The following CNTN5 variants were observed in gnomAD, a reference collection of about 807,000 sequenced individuals.
The protein encoded by CNTN5 is contactin 5, also known as contactin-5.
Under a neutral mutation model 129.1 loss-of-function variants are expected in CNTN5, and 77 were observed. The observed-to-expected ratio is 0.60, with a 90% confidence interval of 0.50 to 0.72. The LOEUF is 0.72. Among genes scored for constraint, CNTN5 ranks in the 30% least tolerant of loss-of-function variants. The pLI is 0.00. For synonymous variants in CNTN5, 509 were observed against 465.6 expected, an observed-to-expected ratio of 1.09 and a Z score of -1.20; for missense variants, 1,478 against 1,328.8, an observed-to-expected ratio of 1.11 and a Z score of -1.75.
At chr11:99,564,427 T>G (rs544751631) in intron 3 of CNTN5, among the ~76,000 whole-genome samples, 4 of 152,202 alleles carry the variant, frequency 2.6e-5, no homozygotes, top group Admixed American at 2.6e-4. Context: ...AGACTAAATA[T>G]TTCTCTGTAT....
At chr11:100,150,978 G>C (rs1410850631) in intron 13 of CNTN5, among the ~76,000 whole-genome samples, 1 of 151,976 alleles carries the variant, frequency 6.6e-6, no homozygotes, top group East Asian at 1.9e-4. Flanking sequence ...TCTGCTTGAG[G>C]ACACGGTAAA....
At chr11:100,327,005 T>C (rs765017682) in intron 21 of CNTN5, among the ~76,000 whole-genome samples, 3 of 152,216 alleles carry the variant, frequency 2.0e-5, no homozygotes, top group Non-Finnish European at 4.4e-5. Context: ...GGTAGAGCCT[T>C]GAAGCCATGG....
intron 2 of CNTN5, among the ~76,000 whole-genome samples, chr11:99,431,523 C>T (rs1209069286): frequency 6.6e-6 from 1 of 151,960 alleles, no homozygotes; most frequent in African/African-American, 2.4e-5. Context: ...TCAGGAATTC[C>T]TTGGAGGGGG....
intron 1 of CNTN5, among the ~76,000 whole-genome samples, chr11:99,272,872 C>T (rs1825698351): frequency 6.6e-6 from 1 of 151,724 alleles, no homozygotes; most frequent in Admixed American, 6.6e-5. Flanking sequence ...ATACCAGTCC[C>T]TATATTGACT....
intron 24 of CNTN5, among the ~76,000 whole-genome samples, chr11:100,352,098 C>A (rs575723085): frequency 6.6e-6 from 1 of 151,656 alleles, no homozygotes; most frequent in South Asian, 2.1e-4. Flanking sequence ...TTTTGTTGTT[C>A]AGATTATTTC....
At chr11:99,330,496 A>C (rs2136024368) in intron 2 of CNTN5, among the ~76,000 whole-genome samples, 1 of 152,300 alleles carries the variant, frequency 6.6e-6, no homozygotes, top group South Asian at 2.1e-4. Context: ...ATTTTGGGTT[A>C]GTACACAGCA....
At chr11:99,108,962 A>AT (rs758165262) in intron 1 of CNTN5, among the ~76,000 whole-genome samples, 7 of 151,956 alleles carry the variant, frequency 4.6e-5, no homozygotes, top group Non-Finnish European at 8.8e-5. Context: ...TGGAATATTT[A>AT]TTAAGCATAT....
chr11:100,046,702 A>C (rs1316703845), intron 9 of CNTN5, among the ~76,000 whole-genome samples: 1 of 152,118 alleles, frequency 6.6e-6, no homozygotes, highest in African/African-American at 2.4e-5. Context: ...TTTTTCCCCT[A>C]TTAAAACAAT....
chr11:99,989,804 T>C (rs188878337), intron 8 of CNTN5, among the ~76,000 whole-genome samples: 45 of 152,324 alleles, frequency 3.0e-4, no homozygotes, highest in African/African-American at 1.1e-3. Context: ...CTCATTCCAC[T>C]GCCAAGGCTG....
At chr11:100,179,124 A>G (rs1948060856) in intron 13 of CNTN5, among the ~76,000 whole-genome samples, 1 of 152,082 alleles carries the variant, frequency 6.6e-6, no homozygotes, top group Admixed American at 6.6e-5. Context: ...ATTATTGTCA[A>G]CTGTAGTTAT....
intron 7 of CNTN5, among the ~76,000 whole-genome samples, chr11:99,919,993 T>TGC (rs1262906846): frequency 7.9e-5 from 12 of 152,128 alleles, no homozygotes; most frequent in African/African-American, 2.9e-4. Context: ...ATCTGCAATC[T>TGC]ATGTATGTGC....
rs137939088 is a variant in CNTN5, at chr11:100,055,028, TAAAA to T, written c.981-6164_981-6161del. Among the ~76,000 whole-genome samples the T allele has an allele frequency of 1.3e-3, 119 of 91,644 alleles. 1 individual carries two copies. The highest frequency in any genetic ancestry group is 5.2e-3 in the South Asian group (14 of 2,688). 60.1% of individuals were successfully genotyped at this position (91,644 alleles called of 152,430 possible). A position where few individuals can be genotyped will look rare whatever the true frequency, so the allele number is the denominator to read the frequency against. The stretch of plus-strand genomic sequence containing the variant: ...GCCAGAAATCATCATAGCCGTAGCC[TAAAA>T]AAAAAAAAAAAAAAAAAAAGGCAAA... On this transcript the variant is annotated intron_variant, in intron 9 of 24. Transcript: ENST00000524871.
At chr11:99,754,447 T>C (rs1282643628) in intron 3 of CNTN5, among the ~76,000 whole-genome samples, 1 of 152,232 alleles carries the variant, frequency 6.6e-6, no homozygotes, top group Non-Finnish European at 1.5e-5. Context: ...ATCTCTCTTA[T>C]TTGCTGATTT....
intron 1 of CNTN5, among the ~76,000 whole-genome samples, chr11:99,104,547 A>C (rs576331875): frequency 6.6e-6 from 1 of 152,180 alleles, no homozygotes; most frequent in Non-Finnish European, 1.5e-5. Context: ...TGTTCTCACT[A>C]CAAAAAAAAT....
chr11:99,433,568 T>C (rs1183372354), intron 2 of CNTN5, among the ~76,000 whole-genome samples: 1 of 152,154 alleles, frequency 6.6e-6, no homozygotes, highest in Non-Finnish European at 1.5e-5. Context: ...TATCCTTGTG[T>C]TTATTTCTAA....
chr11:99,336,121 A>G (rs887571696), intron 2 of CNTN5, among the ~76,000 whole-genome samples: 29 of 152,334 alleles, frequency 1.9e-4, no homozygotes, highest in Middle Eastern at 3.4e-3. Context: ...TAGTAAATTC[A>G]ATAAATGTCA....
At chr11:99,387,299 G>A (rs1312967643) in intron 2 of CNTN5, among the ~76,000 whole-genome samples, 1 of 151,978 alleles carries the variant, frequency 6.6e-6, no homozygotes, top group Non-Finnish European at 1.5e-5. Flanking sequence ...CACATTATCT[G>A]TTTTCAGTAC....
At chr11:99,121,187 T>C (rs1358003011) in intron 1 of CNTN5, among the ~76,000 whole-genome samples, 4 of 150,642 alleles carry the variant, frequency 2.7e-5, no homozygotes, top group African/African-American at 9.8e-5. Context: ...CAGGCTGGAG[T>C]GCAGTGGCAC....
At position 99,519,894 on chromosome 11, in the gene CNTN5, G is replaced by A. The variant is rs186936942; in HGVS notation, c.-70-36251G>A. 5.3e-5 allele frequency among the ~76,000 whole-genome samples: 8 copies of A among 152,114 alleles called. No individual in the cohort carries two copies. The East Asian group carries it at 1.6e-3, about 29-fold the overall frequency. ...TGCATTTAATGTTTTTACCCCTAAG[G>A]AATCAGGAGAATTCCAGACTTTAAG... On this transcript the variant is annotated intron_variant, in intron 2 of 24. Coordinates refer to ENST00000524871, the MANE Select transcript of CNTN5 (RefSeq NM_014361.4).
Sources: gnomAD v4.1 joint callset for allele counts (sites outside exome capture counted in the v4.1 genomes callset) on GRCh38, gnomAD v4.1.1 for gene constraint, MANE v1.5 for transcripts, NCBI Gene and HGNC (gene_info 2026-07-23, HGNC 2026-07-21) for gene names.